Variants in ANKAR observed in about 807,000 individuals in gnomAD.
ANKAR encodes ankyrin and armadillo repeat-containing protein.
ANKAR carries 136 observed loss-of-function variants against 146.2 expected under a neutral mutation model. That is an observed-to-expected ratio of 0.93 (90% confidence interval 0.81 to 1.07). The LOEUF is 1.07. Ranked by LOEUF, ANKAR falls within the 50% of genes least tolerant of loss-of-function variation. ANKAR has a pLI of 0.00. For missense variants in ANKAR, 1,567 were observed against 1,679.9 expected (o/e 0.93, Z 1.18); for synonymous variants, 500 against 575.8 (o/e 0.87, Z 1.88).
chr2:189,762,697 C>A (rs949117571), downstream of ANKAR: 8 of 985,188 alleles, frequency 8.1e-6, no homozygotes, highest in African/African-American at 1.4e-4. Flanking sequence ...TCCACTTGGG[C>A]GGCAGTAGCT....
intron 2 of ANKAR, among the ~76,000 whole-genome samples, chr2:189,683,722 T>C (rs2035102575): frequency 6.6e-6 from 1 of 152,188 alleles, no homozygotes; most frequent in African/African-American, 2.4e-5. Context: ...CCATTCACGT[T>C]TGGGAAAACA....
chr2:189,736,418 G>A (rs953185791), intron 17 of ANKAR, among the ~76,000 whole-genome samples: 6 of 150,660 alleles, frequency 4.0e-5, no homozygotes, highest in African/African-American at 1.5e-4. Context: ...GTTAATCCAC[G>A]CTTTGACTAT....
chr2:189,727,523 CA>C (rs777516459), intron 12 of ANKAR, among the ~76,000 whole-genome samples: 17 of 58,920 alleles, frequency 2.9e-4, no homozygotes, highest in East Asian at 5.7e-4. Flanking sequence ...AACCTTGTCT[CA>C]AAAAAAAAAA....
chr2:189,759,729 G>A (rs775490099), intron 18 of ANKAR, among the ~76,000 whole-genome samples: 20 of 151,134 alleles, frequency 1.3e-4, no homozygotes, highest in Admixed American at 5.3e-4. Flanking sequence ...ATACTCATCT[G>A]TAGAGTATTT....
In ANKAR at chr2:189,705,031, C is replaced by CCT. The variant is rs2038731893; in HGVS notation, c.1720_1721dup (p.His575TyrfsTer10). 6.2e-7 allele frequency: 1 copy of CCT among 1,613,722 alleles called. No individual in the cohort carries two copies. Among genetic ancestry groups the CCT allele is most frequent in the African/African-American group, 1.3e-5 (1 of 74,834 alleles). ...TTGTCCATCCATTCTAGGTCCAACA[C>CCT]CTCTACACCTTGCTGCACAGGCTTG... is the stretch of plus-strand genomic sequence containing the variant. On this transcript the variant is annotated frameshift_variant, in exon 8 of 23. Coordinates refer to ENST00000684021, the MANE Select transcript of ANKAR (RefSeq NM_001378068.1). LOFTEE classifies it high-confidence loss of function.
intron 10 of ANKAR, among the ~76,000 whole-genome samples, chr2:189,715,717 G>C (rs2040373451): frequency 6.6e-6 from 1 of 152,184 alleles, no homozygotes; most frequent in South Asian, 2.1e-4. Context: ...GAATCCAGCA[G>C]CACATTAAAA....
chr2:189,689,430 G>A (rs1282517066), intron 2 of ANKAR, 97 bp from the exon 3 acceptor site: 6 of 1,032,304 alleles, frequency 5.8e-6, no homozygotes, highest in African/African-American at 1.6e-5. Flanking sequence ...GTGATAGTAG[G>A]ATTTCATGAT....
chr2:189,756,313 AC>A, intron 18 of ANKAR, among the ~76,000 whole-genome samples: 1 of 152,156 alleles, frequency 6.6e-6, no homozygotes, highest in East Asian at 1.9e-4. Context: ...GAACTAAGAG[AC>A]AAATTTGCTA....
chr2:189,756,668 C>G (rs2046135010), intron 18 of ANKAR, among the ~76,000 whole-genome samples: 1 of 152,106 alleles, frequency 6.6e-6, no homozygotes, highest in Non-Finnish European at 1.5e-5. Flanking sequence ...CCTTGGGTTT[C>G]AAAGTTCATC....
intron 12 of ANKAR, among the ~76,000 whole-genome samples, chr2:189,726,833 G>A (rs1447466101): frequency 6.6e-6 from 1 of 152,078 alleles, no homozygotes; most frequent in African/African-American, 2.4e-5. Flanking sequence ...CACGATGTAT[G>A]CACGCAACAT....
At chr2:189,749,056 C>T (rs553234636), downstream of ANKAR, among the ~76,000 whole-genome samples, 139 of 152,024 alleles carry the variant, frequency 9.1e-4, 2 homozygotes, top group Admixed American at 6.3e-3. Context: ...ACCAGCCTAG[C>T]CAGCATGGTG....
chr2:189,728,456 G>A, intron 14 of ANKAR, 36 bp downstream of exon 14: 1 of 1,561,080 alleles, frequency 6.4e-7, no homozygotes, highest in Middle Eastern at 1.9e-4. Context: ...TTATTTTTTA[G>A]AGACAGGATC....
intron 18 of ANKAR, among the ~76,000 whole-genome samples, chr2:189,758,285 G>T (rs983725849): frequency 1.1e-4 from 16 of 147,300 alleles, no homozygotes; most frequent in African/African-American, 3.5e-4. Context: ...GAAGGCTGAG[G>T]GGGGAGAATC....
intron 7 of ANKAR, among the ~76,000 whole-genome samples, chr2:189,697,065 G>C (rs966208792): frequency 1.3e-5 from 2 of 151,924 alleles, no homozygotes; most frequent in Non-Finnish European, 2.9e-5. Context: ...AATGAAATTG[G>C]TGGCCCTCCA....
intron 6 of ANKAR, 66 bp from the exon 7 acceptor site, chr2:189,696,084 A>AT (rs2037155866): frequency 4.0e-5 from 57 of 1,431,596 alleles, no homozygotes; most frequent in Non-Finnish European, 5.1e-5. Context: ...CACTTCATGT[A>AT]TTTTTTTCCT....
At chr2:189,694,147 T>C (rs1328487861) in intron 5 of ANKAR, among the ~76,000 whole-genome samples, 1 of 152,050 alleles carries the variant, frequency 6.6e-6, no homozygotes, top group Non-Finnish European at 1.5e-5. Flanking sequence ...GGAGGATCAC[T>C]TGAGCCTGAG....
At chr2:189,718,323 T>C (rs2040786501) in intron 10 of ANKAR, among the ~76,000 whole-genome samples, 1 of 12,536 alleles carries the variant, frequency 8.0e-5, no homozygotes, top group South Asian at 8.1e-3. Flanking sequence ...TCTATCTGTC[T>C]GTCTATCTGT....
chr2:189,737,967 A>G, intron 18 of ANKAR, 126 bp downstream of exon 18: 1 of 849,578 alleles, frequency 1.2e-6, no homozygotes, highest in Non-Finnish European at 1.7e-6. Context: ...CTTTGCACAT[A>G]AGCCCCTTCT....
chr2:189,702,925 G>T (rs997678091), intron 7 of ANKAR, among the ~76,000 whole-genome samples: 8 of 152,116 alleles, frequency 5.3e-5, no homozygotes, highest in African/African-American at 1.7e-4. Flanking sequence ...AATAGTCCAG[G>T]GTGGACAGAT....
Sources: allele counts gnomAD v4.1 joint callset (sites outside exome capture counted in the v4.1 genomes callset), GRCh38; gene constraint gnomAD v4.1.1; transcripts MANE v1.5; gene names NCBI Gene and HGNC (gene_info 2026-07-23, HGNC 2026-07-21).